Variants in ZNF229 observed in about 807,000 individuals in gnomAD.
ZNF229 encodes the protein zinc finger protein 229.
ZNF229 carries 10 observed loss-of-function variants against 11.8 expected under a neutral mutation model. That is an observed-to-expected ratio of 0.85 (90% CI 0.52 to 1.44). ZNF229 has a LOEUF of 1.44. Ranked by LOEUF, ZNF229 falls within the 40% of genes most tolerant of loss-of-function variation. ZNF229 has a pLI of 0.00. For missense variants in ZNF229, 1,045 were observed against 1,015.1 expected (o/e 1.03, Z -0.40); for synonymous variants, 368 against 374.8 (o/e 0.98, Z 0.21).
chr19:44,432,172 T>C (rs776506520), intron 5 of ZNF229, 50 bp downstream of exon 5: 1 of 1,556,810 alleles, frequency 6.4e-7, no homozygotes, highest in Non-Finnish European at 8.6e-7. Flanking sequence ...AAGCCAAAAA[T>C]ATCTTCTCTC....
In ZNF229 at chr19:44,429,421, T is replaced by A. The variant is rs771791820; in HGVS notation, c.1360A>T (p.Ile454Phe). 1 of 1,613,892 alleles carries A rather than the reference T, an allele frequency of 6.2e-7. No homozygotes were observed. The highest frequency in any genetic ancestry group is 1.7e-5 in the Admixed American group (1 of 59,992). ...AKSALHKHQH[I>F]HPGEKPYSCG... ...CTGTAGGGCTTTTCTCCAGGGTGAATGTGCTGGTGTTTGTGCAGTGCAGAC... is the reference window on the plus strand; with the variant it reads ...CTGTAGGGCTTTTCTCCAGGGTGAAAGTGCTGGTGTTTGTGCAGTGCAGAC... The change falls in exon 6 of 6, where the codon ATT (isoleucine) becomes TTT (phenylalanine). Residue 454 changes from isoleucine to phenylalanine, a missense_variant. By Grantham distance (21) the Ile-to-Phe change is conservative. Coordinates refer to ENST00000614049, the MANE Select transcript of ZNF229 (RefSeq NM_014518.4).
At chr19:44,436,473 T>C (rs1971816010) in intron 4 of ZNF229, among the ~76,000 whole-genome samples, 2 of 152,038 alleles carry the variant, frequency 1.3e-5, no homozygotes, top group Non-Finnish European at 2.9e-5. Context: ...TTAATCAAAT[T>C]TCTAAATTTC....
In ZNF229 at chr19:44,430,525, C is replaced by A. The variant is rs781488206; in HGVS notation, c.256G>T (p.Asp86Tyr). 1.9e-6 allele frequency: 3 copies of A among 1,612,992 alleles called. No homozygotes were observed. Among genetic ancestry groups the A allele is most frequent in the Admixed American group, 3.3e-5 (2 of 59,920 alleles). ...TCTTCATCTTGAATATACTCCGTAT[C>A]CTTTCCATTCTTGTCTCCTATGAGG... ...RNPLGDKNGK[D>Y]TEYIQDEELR... is the part of the protein sequence containing the mutation. The change falls in exon 6 of 6, where the codon GAT becomes TAT. Residue 86 changes from aspartate to tyrosine, a missense_variant. Coordinates refer to ENST00000614049, the MANE Select transcript of ZNF229 (RefSeq NM_014518.4).
chr19:44,446,145 G>C (rs920097146), intron 2 of ZNF229, among the ~76,000 whole-genome samples: 1 of 152,130 alleles, frequency 6.6e-6, no homozygotes, highest in Non-Finnish European at 1.5e-5. Context: ...AAGGCAGTGG[G>C]ACAAAGAAGT....
intron 4 of ZNF229, among the ~76,000 whole-genome samples, chr19:44,432,587 G>A (rs1388736845): frequency 2.0e-5 from 3 of 151,844 alleles, no homozygotes; most frequent in Non-Finnish European, 4.4e-5. Context: ...ACTATCGCAA[G>A]GACAAAAAAA....
rs2123328583 is a variant in ZNF229, at chr19:44,428,217, A to G, written c.*86T>C. The G allele has an allele frequency of 7.0e-7, 1 of 1,433,502 alleles. No homozygotes were observed. The highest frequency in any genetic ancestry group is 9.4e-7 in the Non-Finnish European group (1 of 1,059,472). 88.8% of individuals were successfully genotyped at this position (1,433,502 alleles called of 1,614,324 possible). Reference sequence around the variant, plus strand: ...TCAGTTTCTCCTATAGCCCTCCTACATGTCACTTTCCTATGGTTTTTCTCC... The same window carrying G: ...TCAGTTTCTCCTATAGCCCTCCTACGTGTCACTTTCCTATGGTTTTTCTCC... On this transcript the variant is annotated 3_prime_UTR_variant, in exon 6 of 6. Transcript: ENST00000614049.
chr19:44,429,092 C>T lies in ZNF229; in HGVS notation c.1689G>A (p.Gln563=). The change falls in exon 6 of 6, where the codon CAG becomes CAA. Residue 563 remains glutamine, a synonymous_variant. Coordinates refer to ENST00000614049, the MANE Select transcript of ZNF229 (RefSeq NM_014518.4). The part of the protein sequence containing the change: ...FGRSSDLHIH[Q]RVHTGEKPYK... ...AGGGTTTCTCTCCTGTGTGGACCCTCTGATGGATGTGGAGGTCGGAGCTCC... is the reference window on the plus strand; with the variant it reads ...AGGGTTTCTCTCCTGTGTGGACCCTTTGATGGATGTGGAGGTCGGAGCTCC... 2 of 1,613,576 alleles carry T rather than the reference C, an allele frequency of 1.2e-6. No homozygotes were observed. Among genetic ancestry groups the T allele is most frequent in the Non-Finnish European group, 1.7e-6 (2 of 1,179,868 alleles).
intron 4 of ZNF229, among the ~76,000 whole-genome samples, chr19:44,442,319 G>A (rs1249472688): frequency 6.6e-6 from 1 of 152,048 alleles, no homozygotes; most frequent in Non-Finnish European, 1.5e-5. Flanking sequence ...AAGGCATAGC[G>A]GAAAGGTAGA....
chr19:44,431,845 A>C, intron 5 of ZNF229: 2 of 975,854 alleles, frequency 2.0e-6, no homozygotes, highest in Non-Finnish European at 2.4e-6. Context: ...CTAAATCCCA[A>C]CGTGATACCA....
At chr19:44,446,314 A>C (rs1972002696) in intron 2 of ZNF229, among the ~76,000 whole-genome samples, 1 of 152,228 alleles carries the variant, frequency 6.6e-6, no homozygotes, top group South Asian at 2.1e-4. Context: ...AGATAGCAAA[A>C]GGGAAAGCAG....
chr19:44,447,695 C>T (rs1484386245), intron 1 of ZNF229, 95 bp from the exon 2 acceptor site: 2 of 152,218 alleles, frequency 1.3e-5, no homozygotes, highest in African/African-American at 2.4e-5. Context: ...TGGATGTAAT[C>T]TACCCCTTCC....
chr19:44,441,018 C>A (rs1971899741), intron 4 of ZNF229, among the ~76,000 whole-genome samples: 1 of 152,034 alleles, frequency 6.6e-6, no homozygotes, highest in Non-Finnish European at 1.5e-5. Flanking sequence ...TGCACCTGGC[C>A]CACAACATTC....
chr19:44,440,509 A>T (rs1489226011), intron 4 of ZNF229, among the ~76,000 whole-genome samples: 2 of 152,162 alleles, frequency 1.3e-5, no homozygotes, highest in East Asian at 3.9e-4. Flanking sequence ...GATCCATGAA[A>T]ATGCCACACA....
intron 4 of ZNF229, among the ~76,000 whole-genome samples, chr19:44,436,229 G>A (rs1971811148): frequency 6.6e-6 from 1 of 152,052 alleles, no homozygotes; most frequent in South Asian, 2.1e-4. Context: ...AAAAAGTAGT[G>A]GCATGTGGTA....
chr19:44,429,899 T>C lies in ZNF229; in HGVS notation c.882A>G (p.Gln294=), dbSNP rs1305297320. ...TCAAGCCCTCACTAAACTCATCATA[T>C]TGACAGAGTTTCTCTTTCAAAGGTA... The part of the protein sequence containing the change: ...PRVPLKEKLC[Q]YDEFSEGLRH... Residue 294 remains glutamine, a synonymous_variant, in exon 6 of 6, where the codon CAA becomes CAG. Transcript: ENST00000614049. 1.2e-6 allele frequency: 2 copies of C among 1,614,086 alleles called. No individual in the cohort carries two copies. The highest frequency in any genetic ancestry group is 1.7e-5 in the Admixed American group (1 of 60,024).
rs147206363 is a variant in ZNF229 at position 44,442,538 on chromosome 19, C to T, written c.93+25G>A. 4.6e-5 allele frequency: 74 copies of T among 1,612,028 alleles called. No individual in the cohort carries two copies. The Admixed American group carries it at 9.2e-4, about 20-fold the overall frequency. Reference sequence around the variant, plus strand: ...CTCTCTGATGCCTAAGGTGGTATTTCGGGAGAGAAAAGAAAACAACCCACC... The same window carrying T: ...CTCTCTGATGCCTAAGGTGGTATTTTGGGAGAGAAAAGAAAACAACCCACC... On this transcript the variant is annotated intron_variant, in intron 4 of 5. Coordinates refer to ENST00000614049, the MANE Select transcript of ZNF229 (RefSeq NM_014518.4).
intron 4 of ZNF229, among the ~76,000 whole-genome samples, chr19:44,437,391 A>C (rs1232388565): frequency 6.6e-6 from 1 of 152,200 alleles, no homozygotes; most frequent in Non-Finnish European, 1.5e-5. Context: ...CAACATGACT[A>C]CAGAAATGAA....
intron 4 of ZNF229, among the ~76,000 whole-genome samples, chr19:44,438,360 G>C (rs1434111786): frequency 6.6e-6 from 1 of 152,212 alleles, no homozygotes; most frequent in Non-Finnish European, 1.5e-5. Flanking sequence ...TCCTCCATCA[G>C]ATGAGCAAAA....
chr19:44,428,245 T>C lies in ZNF229; in HGVS notation c.*58A>G. ...TCACTTTCCTATGGTTTTTCTCCTG[T>C]GTTGGCTCTCAGATGGATAGAAAGC... On this transcript the variant is annotated 3_prime_UTR_variant, in exon 6 of 6. Transcript: ENST00000614049. 2.6e-6 allele frequency: 4 copies of C among 1,522,070 alleles called. No homozygotes were observed. Among genetic ancestry groups the C allele is most frequent in the Non-Finnish European group, 3.5e-6 (4 of 1,131,164 alleles). The allele number at this position is 1,522,070 out of a possible 1,614,324, so 94.3% of individuals were successfully genotyped here.
Sources: allele counts gnomAD v4.1 joint callset (sites outside exome capture counted in the v4.1 genomes callset), GRCh38; gene constraint gnomAD v4.1.1; transcripts MANE v1.5; gene names NCBI Gene and HGNC (gene_info 2026-07-23, HGNC 2026-07-21).